The following LETM2 variants were observed in gnomAD, a reference collection of about 807,000 sequenced individuals.
The protein encoded by LETM2 is LETM1 domain-containing protein LETM2, mitochondrial.
A neutral mutation model predicts 59.6 loss-of-function variants in LETM2; 58 were observed. The observed-to-expected ratio is 0.97, with a 90% CI of 0.79 to 1.21. The LOEUF (loss-of-function observed/expected upper bound fraction) is 1.21. Among genes scored for constraint, LETM2 ranks in the 50% most tolerant of loss-of-function variants. The pLI is 0.00. For missense variants in LETM2, 572 were observed against 575.7 expected (o/e 0.99, Z 0.07); for synonymous variants, 199 against 214.1 (o/e 0.93, Z 0.62).
upstream of LETM2, chr8:38,382,932 G>A (rs1409470187): frequency 1.3e-5 from 2 of 152,120 alleles, no homozygotes; most frequent in Admixed American, 6.5e-5. This position sits in a 1 kb window ranked among gnomAD's most constrained non-coding sequence, Gnocchi z 4.2. Context: ...CGGCGGCGCC[G>A]GCTCGCCGAG....
In LETM2 at chr8:38,408,251, A is replaced by C. The variant is rs766196251; in HGVS notation, c.1453A>C (p.Lys485Gln). 6.2e-7 allele frequency: 1 copy of C among 1,613,176 alleles called. No individual in the cohort carries two copies. The highest frequency in any genetic ancestry group is 8.5e-7 in the Non-Finnish European group (1 of 1,179,654). The change falls in exon 11 of 11, where the codon AAG (lysine) becomes CAG (glutamine). Residue 485 changes from lysine to glutamine, a missense_variant. By Grantham distance (53) the Lys-to-Gln change is moderately conservative. Coordinates refer to ENST00000379957, the MANE Select transcript of LETM2 (RefSeq NM_001286819.2). Reference protein sequence around the residue: ...AKSQMTAQNSKASSKGA With the variant: ...AKSQMTAQNSQASSKGA Reference sequence around the variant, plus strand: ...ATCACAAATGACGGCCCAGAACAGCAAGGCTAGTTCAAAAGGAGCATAAAG... The same window carrying C: ...ATCACAAATGACGGCCCAGAACAGCCAGGCTAGTTCAAAAGGAGCATAAAG...
At chr8:38,404,535 G>A (rs1288919698) in intron 8 of LETM2, 29 bp downstream of exon 8, 5 of 1,434,678 alleles carry the variant, frequency 3.5e-6, no homozygotes, top group Admixed American at 3.3e-5. Context: ...GGGGACCCTC[G>A]ACGTCCATCC....
At chr8:38,401,443 C>T (rs1563394997) in intron 6 of LETM2, 7 of 215,434 alleles carry the variant, frequency 3.2e-5, no homozygotes, top group Non-Finnish European at 5.7e-5. Context: ...GGTAGAAGTG[C>T]ATTATTTTCT....
chr8:38,398,810 C>A (rs1002196165), intron 4 of LETM2, among the ~76,000 whole-genome samples: 1 of 151,476 alleles, frequency 6.6e-6, no homozygotes, highest in African/African-American at 2.4e-5. Flanking sequence ...GCATCCTCCC[C>A]CCAGGTTCAA....
chr8:38,401,838 C>T (rs1367948684), intron 6 of LETM2, among the ~76,000 whole-genome samples: 3 of 152,086 alleles, frequency 2.0e-5, no homozygotes, highest in Non-Finnish European at 4.4e-5. Context: ...AGAAAGGCAC[C>T]CTTGGACTAT....
chr8:38,402,432 C>T, intron 6 of LETM2, 93 bp from the exon 7 acceptor site: 1 of 1,427,548 alleles, frequency 7.0e-7, no homozygotes, highest in Non-Finnish European at 9.8e-7. Context: ...AGCATCCAAG[C>T]CTCTGATTCT....
chr8:38,394,711 T>C (rs894868026), intron 4 of LETM2, among the ~76,000 whole-genome samples: 1 of 151,856 alleles, frequency 6.6e-6, no homozygotes, highest in East Asian at 1.9e-4. Context: ...GCATGGTAGC[T>C]CATGCCTGTG....
intron 2 of LETM2, 99 bp from the exon 3 acceptor site, chr8:38,392,443 C>T: frequency 1.2e-6 from 1 of 800,396 alleles, no homozygotes; most frequent in Non-Finnish European, 2.0e-6. Context: ...TTATTTTGAC[C>T]AGATGTACTA....
rs28624474 is a variant in LETM2 at position 38,398,783 on chromosome 8, C to A, written c.646-1489C>A. On this transcript the variant is annotated intron_variant, in intron 4 of 10. Transcript: ENST00000379957. ...TGTTGCCCAGGCTGGAGTGCAGTAG[C>A]GTTATCTCGGCTAACTGCATCCTCC... Among the ~76,000 whole-genome samples, 897 of 142,384 alleles carry A rather than the reference C, an allele frequency of 6.3e-3. 7 individuals are homozygous for A. The highest frequency in any genetic ancestry group is 0.021 in the African/African-American group (809 of 38,026). The allele number at this position is 142,384 out of a possible 152,430, so 93.4% of individuals were successfully genotyped here. A position where few individuals can be genotyped will look rare whatever the true frequency, so the allele number is the denominator to read the frequency against.
At chr8:38,385,308 C>G (rs1811728679), upstream of LETM2, among the ~76,000 whole-genome samples, 1 of 152,204 alleles carries the variant, frequency 6.6e-6, no homozygotes, top group African/African-American at 2.4e-5. Flanking sequence ...TGAGTAAAGT[C>G]TGTGGTCAGC....
At chr8:38,406,595 C>G (rs12677006) in intron 8 of LETM2, 36,364 of 174,744 alleles carry the variant, frequency 0.21, 4,166 homozygotes, top group East Asian at 0.34. Context: ...CAGAGTGAGA[C>G]TCCATCTCCA....
chr8:38,402,747 T>C, intron 7 of LETM2, 103 bp downstream of exon 7: 1 of 1,240,008 alleles, frequency 8.1e-7, no homozygotes, highest in Non-Finnish European at 1.2e-6. Flanking sequence ...CCGTCTTACT[T>C]AATTTGCCTT....
intron 4 of LETM2, among the ~76,000 whole-genome samples, chr8:38,399,445 C>T (rs1485251040): frequency 6.6e-6 from 1 of 152,142 alleles, no homozygotes; most frequent in East Asian, 1.9e-4. Context: ...GGAGTTAGCT[C>T]AACTGGCAGA....
rs1471400987 is a variant in LETM2, at chr8:38,392,897, A to G, written c.403A>G (p.Asn135Asp). 3.1e-6 allele frequency: 5 copies of G among 1,613,794 alleles called. No homozygotes were observed. Among genetic ancestry groups the G allele is most frequent in the Non-Finnish European group, 4.2e-6 (5 of 1,180,040 alleles). Reference protein sequence around the residue: ...KIMDELKYYYNGFYLLWIDAK... With the variant: ...KIMDELKYYYDGFYLLWIDAK... Reference sequence around the variant, plus strand: ...CATGGATGAACTAAAATATTATTACAATGGATTCTACTTACTTTGGATTGA... The same window carrying G: ...CATGGATGAACTAAAATATTATTACGATGGATTCTACTTACTTTGGATTGA... Residue 135 changes from asparagine to aspartate, a missense_variant, in exon 3 of 11, where the codon AAT (asparagine) becomes GAT (aspartate). Physicochemically the swap from Asn to Asp is conservative, Grantham distance 23. Coordinates refer to ENST00000379957, the MANE Select transcript of LETM2 (RefSeq NM_001286819.2).
chr8:38,396,266 C>A (rs936446942), intron 4 of LETM2, among the ~76,000 whole-genome samples: 1 of 151,746 alleles, frequency 6.6e-6, no homozygotes, highest in Non-Finnish European at 1.5e-5. Flanking sequence ...CAGGTTCAAG[C>A]GAGTCTCCTG....
chr8:38,396,902 T>A (rs1347510946), intron 4 of LETM2: 1 of 311,746 alleles, frequency 3.2e-6, no homozygotes, highest in South Asian at 2.6e-5. Context: ...TGGGCAAGAG[T>A]GAGATCCTGT....
intron 7 of LETM2, 86 bp downstream of exon 7, chr8:38,402,730 A>T: frequency 7.2e-7 from 1 of 1,392,872 alleles, no homozygotes; most frequent in Non-Finnish European, 1.0e-6. Context: ...TCTCCTTTGC[A>T]AGTGAACCGT....
In LETM2 at chr8:38,392,933, G is replaced by A. The variant is rs976388655; in HGVS notation, c.439G>A (p.Ala147Thr). 1.2e-5 allele frequency: 20 copies of A among 1,611,970 alleles called. No homozygotes were observed. The highest frequency in any genetic ancestry group is 6.7e-5 in the East Asian group (3 of 44,906). The change falls in exon 3 of 11, where the codon GCT (alanine) becomes ACT (threonine). Residue 147 changes from alanine to threonine, a missense_variant. Physicochemically the swap from Ala to Thr is moderately conservative, Grantham distance 58. Transcript: ENST00000379957. ...CTTACTTTGGATTGACGCCAAAGTT[G>A]CTGCCAGAATGGTTTGGAGGCTGTT... is the stretch of plus-strand genomic sequence containing the variant. ...FYLLWIDAKV[A>T]ARMVWRLLHG...
intron 1 of LETM2, 74 bp downstream of exon 1, chr8:38,386,642 C>T (rs1446498964): frequency 6.6e-6 from 1 of 152,286 alleles, no homozygotes; most frequent in Admixed American, 6.5e-5. Context: ...CCGGATCCCG[C>T]TCGGTCCGCA....
Sources: gnomAD v4.1 joint callset for allele counts (sites outside exome capture counted in the v4.1 genomes callset) on GRCh38, gnomAD v4.1.1 for gene constraint, Gnocchi (gnomAD v3.1) non-coding constraint, MANE v1.5 for transcripts, NCBI Gene and HGNC (gene_info 2026-07-23, HGNC 2026-07-21) for gene names.